Variants in DOCK8 observed in about 807,000 individuals in gnomAD.
The protein encoded by DOCK8 is dedicator of cytokinesis protein 8.
A neutral mutation model predicts 245.6 loss-of-function variants in DOCK8; 141 were observed. The observed-to-expected ratio is 0.57, with a 90% CI of 0.50 to 0.66. The LOEUF (loss-of-function observed/expected upper bound fraction) is 0.66. Ranked by LOEUF, DOCK8 falls within the 30% of genes least tolerant of loss-of-function variation. DOCK8 has a pLI of 0.00. For synonymous variants in DOCK8, 1,168 were observed against 970.2 expected, an observed-to-expected ratio of 1.20 and a Z score of -3.79; for missense variants, 2,965 against 2,603.4, an observed-to-expected ratio of 1.14 and a Z score of -3.02.
rs2057108918 is a variant in DOCK8 at position 442,007 on chromosome 9, G to T, written c.5488G>T (p.Glu1830Ter). 6.2e-7 allele frequency: 1 copy of T among 1,613,818 alleles called. No individual in the cohort carries two copies. Among genetic ancestry groups the T allele is most frequent in the Admixed American group, 1.7e-5 (1 of 60,004 alleles). Residue 1830 changes from glutamate (E) to a stop codon, truncating the protein, a stop_gained and splice_region_variant, in exon 42 of 48, where the codon GAG becomes TAG. Transcript: ENST00000432829. LOFTEE classifies it high-confidence loss of function. ...GCTTCCTGAGATCTCACATAGACTAGAGGTAAGAAAAGTGATTCTGTGCGC... is the reference window on the plus strand; with the variant it reads ...GCTTCCTGAGATCTCACATAGACTATAGGTAAGAAAAGTGATTCTGTGCGC... The part of the protein sequence containing the change: ...TKLPEISHRL[E>*]AFYGQCFGAE...
intron 33 of DOCK8, among the ~76,000 whole-genome samples, chr9:424,260 CTG>C: frequency 6.8e-6 from 1 of 147,768 alleles, no homozygotes; most frequent in East Asian, 1.9e-4. Context: ...GCTTTAAAAC[CTG>C]TCAGTGCCCA....
At chr9:273,180 A>AG in intron 2 of DOCK8, 6 of 946,638 alleles carry the variant, frequency 6.3e-6, no homozygotes, top group Non-Finnish European at 7.5e-6. Context: ...AGTAGTACGA[A>AG]AAACCTATAG....
At chr9:344,233 T>C (rs560761215) in intron 14 of DOCK8, among the ~76,000 whole-genome samples, 2 of 152,342 alleles carry the variant, frequency 1.3e-5, no homozygotes, top group South Asian at 4.1e-4. Flanking sequence ...ACAGTTCTTC[T>C]CTGTGGCTCT....
At chr9:220,717 CTTTTT>C in intron 1 of DOCK8, 1 of 360,080 alleles carries the variant, frequency 2.8e-6, no homozygotes, top group Non-Finnish European at 5.3e-6. Context: ...TAATTTCTTT[CTTTTT>C]TTTTTTTTTT....
At chr9:305,335 T>C (rs900131938) in intron 5 of DOCK8, among the ~76,000 whole-genome samples, 5 of 151,702 alleles carry the variant, frequency 3.3e-5, no homozygotes, top group African/African-American at 9.7e-5. Context: ...CAGGCTGGAC[T>C]GCAGTGGCAC....
intron 1 of DOCK8, among the ~76,000 whole-genome samples, chr9:242,837 A>G (rs915667324): frequency 6.6e-6 from 1 of 151,694 alleles, no homozygotes; most frequent in African/African-American, 2.4e-5. Flanking sequence ...ATATGCCATA[A>G]TATGTTTAGT....
chr9:334,522 C>A, intron 11 of DOCK8, 138 bp downstream of exon 11: 1 of 876,418 alleles, frequency 1.1e-6, no homozygotes, highest in East Asian at 2.5e-5. Context: ...GAATGAAACA[C>A]TGTTATGACT....
At chr9:243,624 C>T (rs2047430397) in intron 1 of DOCK8, among the ~76,000 whole-genome samples, 1 of 152,104 alleles carries the variant, frequency 6.6e-6, no homozygotes, top group South Asian at 2.1e-4. Context: ...CAATTTGGAC[C>T]ACTGCAGCGG....
chr9:412,265 A>C (rs529822315), intron 28 of DOCK8, among the ~76,000 whole-genome samples: 2 of 152,138 alleles, frequency 1.3e-5, no homozygotes, highest in African/African-American at 4.8e-5. Context: ...TTAGCTGGGC[A>C]TTGGTGGCTT....
intron 2 of DOCK8, among the ~76,000 whole-genome samples, chr9:276,110 T>C (rs3008074): frequency 0.54 from 80,661 of 150,016 alleles, 22,283 homozygotes; most frequent in African/African-American, 0.68. Flanking sequence ...AGGCTGGTCT[T>C]GAACTTCTGA....
At chr9:311,472 T>G (rs2050109917) in intron 5 of DOCK8, among the ~76,000 whole-genome samples, 1 of 151,492 alleles carries the variant, frequency 6.6e-6, no homozygotes, top group Non-Finnish European at 1.5e-5. Context: ...AGGCTAGTCT[T>G]GAACTCCCGG....
intron 37 of DOCK8, among the ~76,000 whole-genome samples, chr9:432,918 G>A (rs7025078): frequency 0.74 from 113,076 of 152,110 alleles, 43,273 homozygotes; most frequent in East Asian, 0.99. Flanking sequence ...TACGATGACC[G>A]TGGAACTCTA....
chr9:442,697 G>T (rs2057130746), intron 42 of DOCK8, among the ~76,000 whole-genome samples: 1 of 151,444 alleles, frequency 6.6e-6, no homozygotes, highest in African/African-American at 2.5e-5. Context: ...CCTCCCCGAT[G>T]GGATTTGGAT....
intron 1 of DOCK8, among the ~76,000 whole-genome samples, chr9:242,101 G>A (rs1468846344): frequency 5.9e-5 from 9 of 152,116 alleles, no homozygotes; most frequent in East Asian, 1.9e-4. Context: ...GGCCTTAGAC[G>A]AATCATACAT....
intron 1 of DOCK8, among the ~76,000 whole-genome samples, chr9:225,885 G>C (rs964461420): frequency 1.3e-5 from 2 of 152,136 alleles, no homozygotes; most frequent in African/African-American, 4.8e-5. Context: ...TGAGGCAGGA[G>C]TAAATTTGAT....
intron 2 of DOCK8, among the ~76,000 whole-genome samples, chr9:281,641 C>CCGTGTGTGTGTGTGTGTGTGTG (rs370850198): frequency 1.3e-5 from 2 of 150,690 alleles, no homozygotes; most frequent in African/African-American, 4.9e-5. Context: ...GTTTGTGTGC[C>CCGTGTGTGTGTGTGTGTGTGTG]TGTGTGTGTG....
chr9:315,340 G>C (rs55980753), intron 6 of DOCK8, among the ~76,000 whole-genome samples: 5,888 of 152,226 alleles, frequency 0.039, 132 homozygotes, highest in South Asian at 0.091. Context: ...GGAATTAGTT[G>C]CCATTTCAGT....
chr9:423,485 C>A (rs138387062), intron 33 of DOCK8, among the ~76,000 whole-genome samples: 1 of 152,316 alleles, frequency 6.6e-6, no homozygotes, highest in African/African-American at 2.4e-5. Flanking sequence ...GGGTATGGGG[C>A]AGACTTGATT....
At position 309,517 on chromosome 9, in the gene DOCK8, T is replaced by C. The variant is rs929959051; in HGVS notation, c.529-2437T>C. ...TACAACATATAGTTGATTACAGTTA[T>C]ACATTTTTTGCTGAGTCTTTGGTTC... is the stretch of plus-strand genomic sequence containing the variant. On this transcript the variant is annotated intron_variant, in intron 5 of 47. Transcript: ENST00000432829. Among the ~76,000 whole-genome samples the C allele has an allele frequency of 5.3e-5, 8 of 152,342 alleles. 1 individual carries two copies. In the South Asian group the frequency reaches 1.4e-3, roughly 28 times the overall value.
Sources: allele counts gnomAD v4.1 joint callset (sites outside exome capture counted in the v4.1 genomes callset), GRCh38; gene constraint gnomAD v4.1.1; transcripts MANE v1.5; gene names NCBI Gene and HGNC (gene_info 2026-07-23, HGNC 2026-07-21).